Variants in NBEAL2 observed in about 807,000 individuals in gnomAD.
The protein encoded by NBEAL2 is neurobeachin-like protein 2.
A neutral mutation model predicts 299.8 loss-of-function variants in NBEAL2; 160 were observed. The observed-to-expected ratio is 0.53, with a 90% CI of 0.47 to 0.61. The LOEUF is 0.61. Ranked by LOEUF, NBEAL2 falls within the 20% of genes least tolerant of loss-of-function variation. The pLI is 0.00. For missense variants in NBEAL2, 3,112 were observed against 3,649.0 expected (o/e 0.85, Z 3.79); for synonymous variants, 1,493 against 1,542.3 (o/e 0.97, Z 0.75).
rs2036781484 is a variant in NBEAL2 at position 46,999,432 on chromosome 3, C to T, written c.3661C>T (p.Pro1221Ser). The T allele has an allele frequency of 2.5e-6, 4 of 1,587,606 alleles. No homozygotes were observed. Among genetic ancestry groups the T allele is most frequent in the Non-Finnish European group, 2.6e-6 (3 of 1,167,570 alleles). Residue 1221 changes from proline to serine, a missense_variant, in exon 25 of 54, where the codon CCC becomes TCC. Around this residue, in one of 3 missense-constraint regions of NBEAL2, gnomAD observed 2,243 missense variants for 2,538.1 expected, o/e 0.88. Coordinates refer to ENST00000450053, the MANE Select transcript of NBEAL2 (RefSeq NM_015175.3). Reference sequence around the variant, plus strand: ...CTGCTTGCCTGAGGGGACTGTTTCCCCCCAGCTCTGCCAGGGCCTCTACAA... The same window carrying T: ...CTGCTTGCCTGAGGGGACTGTTTCCTCCCAGCTCTGCCAGGGCCTCTACAA... ...VACLPEGTVS[P>S]QLCQGLYKLF...
Position 46,997,567 on chromosome 3 carries a change from G to A in NBEAL2, c.2831G>A (p.Arg944Gln), listed in dbSNP as rs777277959. The A allele has an allele frequency of 2.1e-5, 34 of 1,594,492 alleles. No individual in the cohort carries two copies. The highest frequency in any genetic ancestry group is 1.6e-4 in the East Asian group (7 of 44,462). ...CCTTCCTGATGGCTGGCAGAGGAAC[G>A]GATGGAGAGGAACGCAGTGGCTGCT... Reference protein sequence around the residue: ...VLPLGKSSEERMERNAVAAFL... With the variant: ...VLPLGKSSEEQMERNAVAAFL... The change falls in exon 20 of 54, where the codon CGG becomes CAG. Residue 944 changes from arginine to glutamine, a missense_variant. Coordinates refer to ENST00000450053, the MANE Select transcript of NBEAL2 (RefSeq NM_015175.3).
chr3:47,001,946 G>T lies in NBEAL2; in HGVS notation c.4809G>T (p.Leu1603Phe), dbSNP rs1389511314. Residue 1603 changes from leucine to phenylalanine, a missense_variant, in exon 31 of 54, where the codon TTG becomes TTT. This residue lies in a region of NBEAL2 where 2,243 missense variants were observed against 2,538.1 expected (regional missense o/e 0.88). Coordinates refer to ENST00000450053, the MANE Select transcript of NBEAL2 (RefSeq NM_015175.3). The surrounding 1 kb of genome is among the most constrained non-coding windows in gnomAD (Gnocchi z 6.1). The part of the protein sequence containing the change: ...PQLHAQAYVR[L>F]HMLLQTAVPA... ...TGCATGCCCAGGCCTACGTGAGATT[G>T]CACATGCTGCTACAGACTGCAGTGC... 1.9e-6 allele frequency: 3 copies of T among 1,605,368 alleles called. No individual in the cohort carries two copies. The highest frequency in any genetic ancestry group is 2.6e-6 in the Non-Finnish European group (3 of 1,174,288).
At chr3:46,984,260 C>T (rs936214390) in intron 1 of NBEAL2, among the ~76,000 whole-genome samples, 6 of 152,042 alleles carry the variant, frequency 3.9e-5, no homozygotes, top group Admixed American at 3.3e-4. Context: ...GAGTTGAGAT[C>T]GCGCCACTGC....
Position 47,005,090 on chromosome 3 carries a change from G to T in NBEAL2, c.6413G>T (p.Arg2138Met). Residue 2138 changes from arginine to methionine, a missense_variant, in exon 39 of 54, where the codon AGG becomes ATG. Arg to Met is a moderately conservative substitution (Grantham distance 91). This residue lies in a region of NBEAL2 where 521 missense variants were observed against 729.6 expected (regional missense o/e 0.71). Coordinates refer to ENST00000450053, the MANE Select transcript of NBEAL2 (RefSeq NM_015175.3). ...AACCCCAAGCATGCCCAGCTCGTGA[G>T]GGAGAAGTGAGCATGTGGGCAGGGC... ...VVNPKHAQLV[R>M]EKYESFEDPA... The T allele has an allele frequency of 6.2e-7, 1 of 1,613,858 alleles. No homozygotes were observed. Among genetic ancestry groups the T allele is most frequent in the South Asian group, 1.1e-5 (1 of 91,086 alleles).
In NBEAL2 at chr3:46,979,795, A is replaced by T; in HGVS notation, c.-67A>T. The stretch of plus-strand genomic sequence containing the variant: ...TCCGCCCATGGGCCTGGCCGAGGGC[A>T]ACCGGCGGGCGGCGCGGAGGAGGCG... On this transcript the variant is annotated 5_prime_UTR_variant, in exon 1 of 54. Coordinates refer to ENST00000450053, the MANE Select transcript of NBEAL2 (RefSeq NM_015175.3). The T allele has an allele frequency of 5.2e-6, 2 of 385,722 alleles. No homozygotes were observed. The highest frequency in any genetic ancestry group is 4.7e-5 in the Admixed American group (1 of 21,440). The allele number at this position is 385,722 out of a possible 1,614,324, so 23.9% of individuals were successfully genotyped here.
intron 1 of NBEAL2, among the ~76,000 whole-genome samples, chr3:46,980,343 A>T (rs1358313939): frequency 6.6e-6 from 1 of 152,058 alleles, no homozygotes; most frequent in Admixed American, 6.5e-5. Context: ...GCGCGGCCTG[A>T]TTGGGTGGTC....
Position 47,003,800 on chromosome 3 carries a change from G to A in NBEAL2, c.5721-16G>A. On this transcript the variant is annotated splice_polypyrimidine_tract_variant and intron_variant, in intron 35 of 53. Transcript: ENST00000450053. The surrounding 1 kb of genome is among the most constrained non-coding windows in gnomAD (Gnocchi z 7.0). ...GTCCCAGAGCCTACAGCGTGAGGTG[G>A]GTTGCTGGTCTTTAGGATGGAGGCA... is the stretch of plus-strand genomic sequence containing the variant. The A allele has an allele frequency of 6.3e-7, 1 of 1,582,128 alleles. No homozygotes were observed. The highest frequency in any genetic ancestry group is 2.3e-5 in the East Asian group (1 of 43,594).
chr3:47,006,462 C>T lies in NBEAL2; in HGVS notation c.7134+13C>T, dbSNP rs1259063881. The T allele has an allele frequency of 2.6e-6, 4 of 1,557,132 alleles. No individual in the cohort carries two copies. Among genetic ancestry groups the T allele is most frequent in the Non-Finnish European group, 3.5e-6 (4 of 1,148,634 alleles). On this transcript the variant is annotated intron_variant, in intron 45 of 53. Coordinates refer to ENST00000450053, the MANE Select transcript of NBEAL2 (RefSeq NM_015175.3). ...ATTCTTCGCAGAGGTGAAAGGAAGA[C>T]AAGACCTCAACTTTATATTCTGTGA...
chr3:47,007,431 C>A (rs947542755), intron 47 of NBEAL2, 81 bp downstream of exon 47: 1 of 1,552,168 alleles, frequency 6.4e-7, no homozygotes, highest in South Asian at 1.2e-5. Flanking sequence ...AGAATGTAGG[C>A]CAGCTGCAGG....
Position 47,009,565 on chromosome 3 carries a change from T to A in NBEAL2, c.*245T>A, listed in dbSNP as rs1348668562. Reference sequence around the variant, plus strand: ...CTGGCGTCTGCGGCCGCAGCAGCACTTTTTGCACAGTCTGGGGCGGGGTTC... The same window carrying A: ...CTGGCGTCTGCGGCCGCAGCAGCACATTTTGCACAGTCTGGGGCGGGGTTC... On this transcript the variant is annotated 3_prime_UTR_variant, in exon 54 of 54. Transcript: ENST00000450053. 9.1e-6 allele frequency: 5 copies of A among 548,074 alleles called. No individual in the cohort carries two copies. The highest frequency in any genetic ancestry group is 3.2e-6 in the Non-Finnish European group (1 of 310,204). The allele number at this position is 548,074 out of a possible 1,614,324, so 34.0% of individuals were successfully genotyped here.
chr3:47,006,904 TC>T, intron 45 of NBEAL2, 161 bp from the exon 46 acceptor site: 1 of 617,238 alleles, frequency 1.6e-6, no homozygotes, highest in South Asian at 2.1e-5. Context: ...TGAGATGCCC[TC>T]CTAAAGTCTC....
intron 40 of NBEAL2, 24 bp from the exon 41 acceptor site, chr3:47,005,465 C>A: frequency 6.2e-7 from 1 of 1,607,856 alleles, no homozygotes; most frequent in Non-Finnish European, 8.5e-7. Flanking sequence ...CCCACCTCAC[C>A]TTGGCCCCGT....
At chr3:46,983,468 C>A (rs2035489922) in intron 1 of NBEAL2, among the ~76,000 whole-genome samples, 1 of 152,038 alleles carries the variant, frequency 6.6e-6, no homozygotes, top group Non-Finnish European at 1.5e-5. Flanking sequence ...TGCCACCACA[C>A]CCGGCTAATT....
chr3:47,003,509 G>A lies in NBEAL2; in HGVS notation c.5720+200G>A, dbSNP rs918794660. Reference sequence around the variant, plus strand: ...CTGAGAGTTGCTCTTTTAACAGCCAGGCACCTGAGGACAGCACTGAGAAAC... The same window carrying A: ...CTGAGAGTTGCTCTTTTAACAGCCAAGCACCTGAGGACAGCACTGAGAAAC... On this transcript the variant is annotated intron_variant, in intron 35 of 53. Coordinates refer to ENST00000450053, the MANE Select transcript of NBEAL2 (RefSeq NM_015175.3). This position sits in a 1 kb window ranked among gnomAD's most constrained non-coding sequence, Gnocchi z 7.0. 6.6e-6 allele frequency among the ~76,000 whole-genome samples: 1 copy of A among 152,318 alleles called. No individual in the cohort carries two copies. The highest frequency in any genetic ancestry group is 1.9e-4 in the East Asian group (1 of 5,180).
Position 47,005,331 on chromosome 3 carries a change from A to G in NBEAL2, c.6560+10A>G. On this transcript the variant is annotated intron_variant, in intron 40 of 53. Coordinates refer to ENST00000450053, the MANE Select transcript of NBEAL2 (RefSeq NM_015175.3). ...AGCTGCAAAGTGGCCGGTGCGGCCC[A>G]GGGGCTGGTGGGCAGACTAGGGGGC... 6.2e-7 allele frequency: 1 copy of G among 1,608,940 alleles called. No individual in the cohort carries two copies. The highest frequency in any genetic ancestry group is 8.5e-7 in the Non-Finnish European group (1 of 1,178,042).
Position 47,000,612 on chromosome 3 carries a change from A to G in NBEAL2, c.4305+208A>G, listed in dbSNP as rs1008798644. Among the ~76,000 whole-genome samples, 1 of 152,200 alleles carries G rather than the reference A, an allele frequency of 6.6e-6. No individual in the cohort carries two copies. The highest frequency in any genetic ancestry group is 1.5e-5 in the Non-Finnish European group (1 of 68,032). On this transcript the variant is annotated intron_variant, in intron 27 of 53. Transcript: ENST00000450053. The surrounding 1 kb of genome is among the most constrained non-coding windows in gnomAD (Gnocchi z 4.5). Reference sequence around the variant, plus strand: ...GGAACAGGGTGAGTCATGATGAGCCACAGTGGGTGACACCAGCCAGGCTTC... The same window carrying G: ...GGAACAGGGTGAGTCATGATGAGCCGCAGTGGGTGACACCAGCCAGGCTTC...
In NBEAL2 at chr3:47,006,212, C is replaced by T. The variant is rs755882966; in HGVS notation, c.6967C>T (p.Leu2323=). 2.1e-5 allele frequency: 34 copies of T among 1,613,784 alleles called. No homozygotes were observed. The East Asian group carries it at 7.6e-4, about 36-fold the overall frequency. ...HVTDERERKA[L]EGIISNFGQT... is the part of the protein sequence containing the mutation. ...GACAGATGAGCGGGAACGGAAGGCT[C>T]TGGAGGGCATTATCAGCAACTTTGG... The change falls in exon 44 of 54, where the codon CTG becomes TTG. Residue 2323 remains leucine, a synonymous_variant. Transcript: ENST00000450053.
At chr3:46,996,930 G>A in intron 17 of NBEAL2, 24 bp from the exon 18 acceptor site, 1 of 1,611,478 alleles carries the variant, frequency 6.2e-7, no homozygotes, top group Non-Finnish European at 8.5e-7. Flanking sequence ...GACCCTGGCT[G>A]CCTGCCCATT....
chr3:47,003,147 C>A lies in NBEAL2; in HGVS notation c.5585-27C>A. 1 of 1,607,236 alleles carries A rather than the reference C, an allele frequency of 6.2e-7. No individual in the cohort carries two copies. The highest frequency in any genetic ancestry group is 8.5e-7 in the Non-Finnish European group (1 of 1,175,300). On this transcript the variant is annotated intron_variant, in intron 34 of 53. Coordinates refer to ENST00000450053, the MANE Select transcript of NBEAL2 (RefSeq NM_015175.3). The surrounding 1 kb of genome is among the most constrained non-coding windows in gnomAD (Gnocchi z 7.0). ...TCCCGTCTCCTGTCCTGCCTTGCTT[C>A]TGCTGAGTACCCTTGGCCCCTTGCA...
Sources: allele counts gnomAD v4.1 joint callset (sites outside exome capture counted in the v4.1 genomes callset), GRCh38; gene constraint gnomAD v4.1.1; regional missense constraint gnomAD v4.1.1; non-coding constraint Gnocchi (gnomAD v3.1); transcripts MANE v1.5; gene names NCBI Gene and HGNC (gene_info 2026-07-23, HGNC 2026-07-21).